Variants in ABTB2 observed in about 807,000 individuals in gnomAD.
The protein encoded by ABTB2 is ankyrin repeat and BTB/POZ domain-containing protein 2.
Under a neutral mutation model 104.1 loss-of-function variants are expected in ABTB2, and 56 were observed. The ratio of observed to expected loss-of-function variants is 0.54; its 90% CI spans 0.43 to 0.67. ABTB2 has a LOEUF of 0.67. ABTB2 is among the 30% of genes least tolerant of loss of function. ABTB2 has a pLI of 0.00. For missense variants in ABTB2, 1,279 were observed against 1,407.7 expected, an observed-to-expected ratio of 0.91 and a Z score of 1.46; for synonymous variants, 606 against 608.2, an observed-to-expected ratio of 1.00 and a Z score of 0.05.
intron 1 of ABTB2, among the ~76,000 whole-genome samples, chr11:34,333,837 C>G (rs1371442131): frequency 6.6e-6 from 1 of 151,964 alleles, no homozygotes; most frequent in Admixed American, 6.6e-5. Context: ...AAAATTGAAC[C>G]CAGGTCTCCC....
rs377644692 is a variant in ABTB2, at chr11:34,162,548, A to G, written c.2218+28T>C. 2.5e-6 allele frequency: 4 copies of G among 1,605,156 alleles called. No homozygotes were observed. The African/African-American group carries it at 5.4e-5, about 21-fold the overall frequency. On this transcript the variant is annotated intron_variant, in intron 10 of 16. Coordinates refer to ENST00000435224, the MANE Select transcript of ABTB2 (RefSeq NM_145804.3). Reference sequence around the variant, plus strand: ...TGTGTGTCCATATGCATGCATGGACATGGGTGTGCATGCCCGTGAGGCCTC... The same window carrying G: ...TGTGTGTCCATATGCATGCATGGACGTGGGTGTGCATGCCCGTGAGGCCTC...
chr11:34,239,398 A>T (rs1853886383), intron 1 of ABTB2, among the ~76,000 whole-genome samples: 1 of 151,828 alleles, frequency 6.6e-6, no homozygotes, highest in Admixed American at 6.6e-5. Context: ...CAGTGGTATT[A>T]TGATCACGGT....
chr11:34,163,989 T>C (rs926673590), intron 9 of ABTB2, among the ~76,000 whole-genome samples: 5 of 150,688 alleles, frequency 3.3e-5, no homozygotes, highest in African/African-American at 1.2e-4. Context: ...GGGGGTGGGC[T>C]GGAGACAGCT....
intron 1 of ABTB2, among the ~76,000 whole-genome samples, chr11:34,320,692 C>T (rs565181648): frequency 8.5e-5 from 13 of 152,278 alleles, no homozygotes; most frequent in East Asian, 1.9e-4. Flanking sequence ...CCACATTAGA[C>T]GTCCGTGGAA....
chr11:34,254,701 T>A (rs923048605), intron 1 of ABTB2, among the ~76,000 whole-genome samples: 1 of 148,746 alleles, frequency 6.7e-6, no homozygotes, highest in Non-Finnish European at 1.5e-5. Context: ...AGACAGAGTC[T>A]TGCTCTATCG....
intron 1 of ABTB2, among the ~76,000 whole-genome samples, chr11:34,246,018 C>T (rs913017561): frequency 2.0e-5 from 3 of 152,356 alleles, no homozygotes; most frequent in Non-Finnish European, 4.4e-5. Context: ...GGCTTTGCTG[C>T]CAGCTTCTAA....
At position 34,162,628 on chromosome 11, in the gene ABTB2, G is replaced by A; in HGVS notation, c.2166C>T (p.Tyr722=). 1 of 1,613,646 alleles carries A rather than the reference G, an allele frequency of 6.2e-7. No individual in the cohort carries two copies. The highest frequency in any genetic ancestry group is 8.5e-7 in the Non-Finnish European group (1 of 1,180,008). The change falls in exon 10 of 17, where the codon TAC becomes TAT. Residue 722 remains tyrosine, a synonymous_variant. Coordinates refer to ENST00000435224, the MANE Select transcript of ABTB2 (RefSeq NM_145804.3). ...TRTKALQEAM[Y]YSAEHGYVDI... ...CCACGTAGCCGTGCTCAGCGCTGTA[G>A]TACATGGCCTCCTGTAGGGCCTTGG...
At position 34,341,872 on chromosome 11, in the gene ABTB2, A is replaced by T. The variant is rs1413230144; in HGVS notation, c.883+14829T>A. On this transcript the variant is annotated intron_variant, in intron 1 of 16. Transcript: ENST00000435224. ...TTTCAGCTGGAAGAGAGAAATGGCCATTTCCAAAACAAATGACCTCTCCCC... is the reference window on the plus strand; with the variant it reads ...TTTCAGCTGGAAGAGAGAAATGGCCTTTTCCAAAACAAATGACCTCTCCCC... Among the ~76,000 whole-genome samples the T allele has an allele frequency of 2.6e-5, 4 of 152,324 alleles. No individual in the cohort carries two copies. In the East Asian group the frequency reaches 5.8e-4, roughly 22 times the overall value.
At chr11:34,272,737 C>CAAAAAAAAAAA (rs1854335415) in intron 1 of ABTB2, among the ~76,000 whole-genome samples, 2 of 138,288 alleles carry the variant, frequency 1.4e-5, no homozygotes, top group African/African-American at 5.5e-5. Context: ...AAAAACCAAC[C>CAAAAAAAAAAA]AACCATACAC....
chr11:34,351,389 A>C (rs1179664442), intron 1 of ABTB2, among the ~76,000 whole-genome samples: 23 of 150,942 alleles, frequency 1.5e-4, no homozygotes, highest in Admixed American at 1.5e-3. Flanking sequence ...CTGCTGTACC[A>C]GACGTCTGTT....
At position 34,156,842 on chromosome 11, in the gene ABTB2, T is replaced by C. The variant is rs577218130; in HGVS notation, c.2698-2073A>G. ...CCCGGCTGTGAGTAACTTTTTACATTGATTACATGTTGAAATAATATTTTG... is the reference window on the plus strand; with the variant it reads ...CCCGGCTGTGAGTAACTTTTTACATCGATTACATGTTGAAATAATATTTTG... On this transcript the variant is annotated intron_variant, in intron 14 of 16. Coordinates refer to ENST00000435224, the MANE Select transcript of ABTB2 (RefSeq NM_145804.3). Among the ~76,000 whole-genome samples the C allele has an allele frequency of 2.0e-5, 3 of 152,300 alleles. No homozygotes were observed. In the East Asian group the frequency reaches 5.8e-4, roughly 29 times the overall value.
chr11:34,212,670 A>T (rs990164366), intron 1 of ABTB2, among the ~76,000 whole-genome samples: 1 of 152,222 alleles, frequency 6.6e-6, no homozygotes, highest in Non-Finnish European at 1.5e-5. Flanking sequence ...ACTCAGAGAC[A>T]GCACTCTTCC....
Position 34,188,528 on chromosome 11 carries a change from T to C in ABTB2, c.1244+8797A>G, listed in dbSNP as rs1169220293. On this transcript the variant is annotated intron_variant, in intron 3 of 16. Transcript: ENST00000435224. ...TCAGAGGCTAGTGGATGTGCCAGCC[T>C]GGGGAATACACGGAAACAAGTACTT... Among the ~76,000 whole-genome samples, 3 of 152,322 alleles carry C rather than the reference T, an allele frequency of 2.0e-5. No individual in the cohort carries two copies. In the East Asian group the frequency reaches 5.8e-4, roughly 29 times the overall value.
intron 3 of ABTB2, 123 bp from the exon 4 acceptor site, chr11:34,173,430 G>T: frequency 8.1e-7 from 1 of 1,231,872 alleles, no homozygotes; most frequent in Non-Finnish European, 1.1e-6. Flanking sequence ...CCTAGGGTGG[G>T]GGGCTCCCTG....
At position 34,155,244 on chromosome 11, in the gene ABTB2, G is replaced by A. The variant is rs536196660; in HGVS notation, c.2698-475C>T. Among the ~76,000 whole-genome samples, 19 of 152,364 alleles carry A rather than the reference G, an allele frequency of 1.2e-4. 1 individual carries two copies. The South Asian group carries it at 2.7e-3, about 22-fold the overall frequency. On this transcript the variant is annotated intron_variant, in intron 14 of 16. Transcript: ENST00000435224. ...GGTCTCTGAAGGGATGTTGGAGGAC[G>A]CTGCCTCCTGCCTTCCCCTGTTTGC... is the stretch of plus-strand genomic sequence containing the variant.
At chr11:34,208,324 T>C (rs1853434793) in intron 1 of ABTB2, among the ~76,000 whole-genome samples, 1 of 152,210 alleles carries the variant, frequency 6.6e-6, no homozygotes, top group Admixed American at 6.5e-5. Context: ...CTTTCTGTCA[T>C]GATGGAGAAG....
In ABTB2 at chr11:34,322,354, T is replaced by G. The variant is rs967076599; in HGVS notation, c.883+34347A>C. On this transcript the variant is annotated intron_variant, in intron 1 of 16. Transcript: ENST00000435224. ...ACTTTGGGAGGTTGAGGAGGGTGGA[T>G]CACTTGAGGTCAGGAGTTCGAGACC... 2.6e-5 allele frequency among the ~76,000 whole-genome samples: 4 copies of G among 152,260 alleles called. No individual in the cohort carries two copies. In the East Asian group the frequency reaches 5.8e-4, roughly 22 times the overall value.
intron 1 of ABTB2, among the ~76,000 whole-genome samples, chr11:34,311,514 T>G (rs1220572794): frequency 6.6e-6 from 1 of 152,150 alleles, no homozygotes; most frequent in African/African-American, 2.4e-5. Context: ...CGGAACCAGA[T>G]TAAGGCAGAG....
intron 11 of ABTB2, among the ~76,000 whole-genome samples, chr11:34,160,694 G>GT (rs1463737033): frequency 1.9e-4 from 6 of 30,986 alleles, no homozygotes; most frequent in Non-Finnish European, 4.8e-4. Flanking sequence ...TGTGTGTTGA[G>GT]TGGGGGGGGG....
Sources: allele counts gnomAD v4.1 joint callset (sites outside exome capture counted in the v4.1 genomes callset), GRCh38; gene constraint gnomAD v4.1.1; transcripts MANE v1.5; gene names NCBI Gene and HGNC (gene_info 2026-07-23, HGNC 2026-07-21).